Variants in MINAR1 observed in about 807,000 individuals in gnomAD.
MINAR1 encodes the protein major intrinsically disordered Notch2-binding receptor 1.
Under a neutral mutation model 65.1 loss-of-function variants are expected in MINAR1, and 40 were observed. The ratio of observed to expected loss-of-function variants is 0.61; its 90% CI spans 0.48 to 0.80. The LOEUF is 0.80. MINAR1 is among the 30% of genes least tolerant of loss of function. The pLI is 0.00. For synonymous variants in MINAR1, 482 were observed against 449.1 expected, an observed-to-expected ratio of 1.07 and a Z score of -0.93; for missense variants, 1,128 against 1,148.0, an observed-to-expected ratio of 0.98 and a Z score of 0.25.
Position 79,468,437 on chromosome 15 carries a change from A to T in MINAR1, c.*53A>T. On this transcript the variant is annotated 3_prime_UTR_variant, in exon 4 of 4. Transcript: ENST00000305428. ...TATGACTACCAATGTCGTCGTCTGTATCTTAGAATCTTGCAGCAGTGAGGC... is the reference window on the plus strand; with the variant it reads ...TATGACTACCAATGTCGTCGTCTGTTTCTTAGAATCTTGCAGCAGTGAGGC... 6.7e-7 allele frequency: 1 copy of T among 1,501,964 alleles called. No homozygotes were observed. The highest frequency in any genetic ancestry group is 9.1e-7 in the Non-Finnish European group (1 of 1,097,034). The allele number at this position is 1,501,964 out of a possible 1,614,324, so 93.0% of individuals were successfully genotyped here.
chr15:79,455,923 A>C (rs1391710947), intron 1 of MINAR1, among the ~76,000 whole-genome samples, 175 bp from the exon 2 acceptor site: 1 of 152,218 alleles, frequency 6.6e-6, no homozygotes, highest in Non-Finnish European at 1.5e-5. Context: ...GATTCCCAGG[A>C]AGGGAATTAC....
chr15:79,460,702 C>G (rs1895613623), intron 2 of MINAR1, among the ~76,000 whole-genome samples: 1 of 152,234 alleles, frequency 6.6e-6, no homozygotes. Context: ...ATTCCCCACT[C>G]TTCTCTGACT....
intron 2 of MINAR1, 48 bp downstream of exon 2, chr15:79,458,493 C>A: frequency 6.4e-7 from 1 of 1,572,608 alleles, no homozygotes. Flanking sequence ...TTCATCATAG[C>A]CCTGGTGTAT....
intron 1 of MINAR1, among the ~76,000 whole-genome samples, chr15:79,444,907 GT>G (rs1284666797): frequency 2.0e-5 from 3 of 151,930 alleles, no homozygotes; most frequent in African/African-American, 7.2e-5. Flanking sequence ...TGTGTTAATT[GT>G]GTTGTTTTAG....
chr15:79,434,793 G>T (rs184612052), intron 1 of MINAR1, among the ~76,000 whole-genome samples: 1 of 152,304 alleles, frequency 6.6e-6, no homozygotes, highest in East Asian at 1.9e-4. Flanking sequence ...AAGACAGGCA[G>T]AGACAGTTGG....
At chr15:79,428,864 C>T (rs1894378885), upstream of MINAR1, among the ~76,000 whole-genome samples, 1 of 152,136 alleles carries the variant, frequency 6.6e-6, no homozygotes, top group Admixed American at 6.5e-5. Context: ...TGGTCACAGT[C>T]TTCTCCCCTA....
the MINAR1 span, chr15:79,424,485 G>A: frequency 1.3e-5 from 2 of 152,208 alleles, no homozygotes; most frequent in South Asian, 2.1e-4. Flanking sequence ...ACAGCACTGT[G>A]GCTTTCTTCT....
the MINAR1 span, chr15:79,420,949 C>T: frequency 0.028 from 4,313 of 152,360 alleles, 84 homozygotes; most frequent in Non-Finnish European, 0.039. Flanking sequence ...CACATGGTGA[C>T]GATACTCAGA....
chr15:79,460,343 A>T (rs1895600977), intron 2 of MINAR1, among the ~76,000 whole-genome samples: 1 of 152,140 alleles, frequency 6.6e-6, no homozygotes, highest in Non-Finnish European at 1.5e-5. Context: ...TACAGTTCCC[A>T]AAGCAGGCTT....
the MINAR1 span, chr15:79,425,203 C>T: frequency 8.5e-5 from 13 of 152,216 alleles, no homozygotes; most frequent in African/African-American, 2.6e-4. Flanking sequence ...ACACGCCCGA[C>T]TAATTTTTGT....
chr15:79,436,323 G>T (rs1434993149), intron 1 of MINAR1, among the ~76,000 whole-genome samples: 1 of 152,220 alleles, frequency 6.6e-6, no homozygotes, highest in African/African-American at 2.4e-5. Flanking sequence ...GCTTCATGGG[G>T]ATCAGGACCT....
At chr15:79,442,582 C>G (rs1894900659) in intron 1 of MINAR1, among the ~76,000 whole-genome samples, 1 of 127,862 alleles carries the variant, frequency 7.8e-6, no homozygotes, top group African/African-American at 3.1e-5. Flanking sequence ...TGGCCTTGCC[C>G]CATAAAAATG....
chr15:79,466,553 AAAAAATCACT>A (rs766918245), intron 3 of MINAR1, among the ~76,000 whole-genome samples: 110 of 152,362 alleles, frequency 7.2e-4, no homozygotes, highest in African/African-American at 2.5e-3. Context: ...TAAAAATGGA[AAAAAATCACT>A]AAAAATCACT....
At chr15:79,437,874 A>G (rs868514310) in intron 1 of MINAR1, among the ~76,000 whole-genome samples, 1 of 6,318 alleles carries the variant, frequency 1.6e-4, no homozygotes, top group Non-Finnish European at 3.2e-4. Context: ...TGGGGTGTGG[A>G]TGGGGTGGGT....
rs1895467490 is a variant in MINAR1, at chr15:79,457,320, G to A, written c.1173G>A (p.Glu391=). 1.2e-6 allele frequency: 2 copies of A among 1,614,184 alleles called. No individual in the cohort carries two copies. Among genetic ancestry groups the A allele is most frequent in the African/African-American group, 2.7e-5 (2 of 75,042 alleles). ...TTTTCAATAGAAATCCCTCCGAGGA[G>A]AAGCTACACTATCCAAATGCCAGTA... ...RSFFNRNPSE[E]KLHYPNASSQ... The change falls in exon 2 of 4, where the codon GAG becomes GAA. Residue 391 remains glutamate (E), a synonymous_variant. Coordinates refer to ENST00000305428, the MANE Select transcript of MINAR1 (RefSeq NM_015206.3).
At chr15:79,451,876 C>G (rs547457272) in intron 1 of MINAR1, among the ~76,000 whole-genome samples, 1 of 152,180 alleles carries the variant, frequency 6.6e-6, no homozygotes, top group Non-Finnish European at 1.5e-5. Context: ...GATTTGTTGG[C>G]TGCTTAGCCC....
rs1350391084 is a variant in MINAR1 at position 79,453,452 on chromosome 15, G to T, written c.-50-2646G>T. Among the ~76,000 whole-genome samples, 5 of 152,092 alleles carry T rather than the reference G, an allele frequency of 3.3e-5. No individual in the cohort carries two copies. In the South Asian group the frequency reaches 6.2e-4, roughly 19 times the overall value. On this transcript the variant is annotated intron_variant, in intron 1 of 3. Transcript: ENST00000305428. ...CAGTTTCCTTATCTGTAACATGGGGGTACTCTTCCTGCCCTACACAGTTGT... is the reference window on the plus strand; with the variant it reads ...CAGTTTCCTTATCTGTAACATGGGGTTACTCTTCCTGCCCTACACAGTTGT...
chr15:79,467,758 G>T (rs1895923912), intron 3 of MINAR1, among the ~76,000 whole-genome samples: 1 of 152,212 alleles, frequency 6.6e-6, no homozygotes, highest in Non-Finnish European at 1.5e-5. Context: ...CTGACTCAGA[G>T]TGCTATGATG....
intron 2 of MINAR1, among the ~76,000 whole-genome samples, chr15:79,459,622 A>G (rs1488064002): frequency 6.6e-6 from 1 of 152,174 alleles, no homozygotes; most frequent in Non-Finnish European, 1.5e-5. Flanking sequence ...TGGGCTACAG[A>G]CATTCAAAGC....
Sources: gnomAD v4.1 joint callset for allele counts (sites outside exome capture counted in the v4.1 genomes callset) on GRCh38, gnomAD v4.1.1 for gene constraint, MANE v1.5 for transcripts, NCBI Gene and HGNC (gene_info 2026-07-23, HGNC 2026-07-21) for gene names.